Variants in SHISA9 observed in about 807,000 individuals in gnomAD.
The protein encoded by SHISA9 is protein shisa-9.
SHISA9 carries 13 observed loss-of-function variants against 38.0 expected under a neutral mutation model. The observed-to-expected ratio is 0.34, with a 90% confidence interval of 0.22 to 0.54. The LOEUF (loss-of-function observed/expected upper bound fraction) is 0.54, where lower values mean the gene tolerates loss of function less well. Ranked by LOEUF, SHISA9 falls within the 20% of genes least tolerant of loss-of-function variation. The probability of loss-of-function intolerance (pLI) is 0.91; values close to 1 mark genes in which losing one functional copy is unlikely to be tolerated. For synonymous variants in SHISA9, 275 were observed against 242.0 expected (o/e 1.14, Z -1.27); for missense variants, 538 against 575.8 (o/e 0.93, Z 0.67).
chr16:13,356,074 T>C, the SHISA9 span, among the ~76,000 whole-genome samples: 1 of 152,354 alleles, frequency 6.6e-6, no homozygotes, highest in East Asian at 1.9e-4. Context: ...ACCTGGCCAC[T>C]GCGGTTCAGG....
chr16:13,516,797 C>A, the SHISA9 span, among the ~76,000 whole-genome samples: 110 of 144,258 alleles, frequency 7.6e-4, no homozygotes, highest in South Asian at 8.9e-4. Flanking sequence ...GATTCCATCC[C>A]AAAAAAAAAA....
chr16:13,521,960 T>C, the SHISA9 span, among the ~76,000 whole-genome samples: 1 of 152,202 alleles, frequency 6.6e-6, no homozygotes. Context: ...GTTAAATTTA[T>C]TATTTTTGCA....
the SHISA9 span, chr16:13,258,225 C>A: frequency 4.6e-5 from 7 of 152,126 alleles, no homozygotes; most frequent in Non-Finnish European, 7.4e-5. Context: ...AATAAATTTT[C>A]TGGTTCATTA....
At chr16:12,965,628 A>G (rs570442294) in intron 2 of SHISA9, among the ~76,000 whole-genome samples, 2 of 152,288 alleles carry the variant, frequency 1.3e-5, no homozygotes, top group African/African-American at 2.4e-5. Flanking sequence ...TTTTTCAGGG[A>G]GAGACAATAT....
At chr16:13,478,466 C>G in the SHISA9 span, among the ~76,000 whole-genome samples, 8 of 152,276 alleles carry the variant, frequency 5.3e-5, no homozygotes, top group East Asian at 1.4e-3. Flanking sequence ...TAAGTCTGGA[C>G]TCCTCTGGGC....
the SHISA9 span, among the ~76,000 whole-genome samples, chr16:13,424,755 C>T: frequency 6.6e-6 from 1 of 152,186 alleles, no homozygotes; most frequent in African/African-American, 2.4e-5. Context: ...ATCGGCATGG[C>T]TATGTCTCGG....
At chr16:12,914,668 G>A (rs1205884723) in intron 1 of SHISA9, among the ~76,000 whole-genome samples, 2 of 152,160 alleles carry the variant, frequency 1.3e-5, no homozygotes, top group African/African-American at 4.8e-5. Flanking sequence ...CTGTCTCACA[G>A]CCGAGATGTC....
At position 12,973,936 on chromosome 16, in the gene SHISA9, C is replaced by T. The variant is rs147352228; in HGVS notation, c.691+57121C>T. ...TCAAGCACCCTTCTGGATTTTGTTG[C>T]CTGTGGCATAAAAGTATGCTTGCTT... On this transcript the variant is annotated intron_variant, in intron 2 of 4. Transcript: ENST00000558583. 3.4e-3 allele frequency among the ~76,000 whole-genome samples: 513 copies of T among 152,294 alleles called. 3 individuals carry two copies. Among genetic ancestry groups the T allele is most frequent in the African/African-American group, 0.012 (497 of 41,562 alleles).
the SHISA9 span, among the ~76,000 whole-genome samples, chr16:13,314,923 A>T: frequency 6.6e-6 from 1 of 152,198 alleles, no homozygotes; most frequent in Non-Finnish European, 1.5e-5. Context: ...CCTGTAGTTG[A>T]CAATACTGTA....
intron 2 of SHISA9, among the ~76,000 whole-genome samples, chr16:12,970,370 C>CATATAT (rs1254256597): frequency 2.2e-4 from 12 of 55,704 alleles, no homozygotes; most frequent in African/African-American, 8.7e-4. Flanking sequence ...TATATATATA[C>CATATAT]ATATATATAT....
chr16:13,328,270 G>C, the SHISA9 span, among the ~76,000 whole-genome samples: 1 of 152,132 alleles, frequency 6.6e-6, no homozygotes, highest in Non-Finnish European at 1.5e-5. Flanking sequence ...TCTCTAGTAA[G>C]AGTCTGTTTC....
intron 2 of SHISA9, among the ~76,000 whole-genome samples, chr16:13,047,937 GCA>G (rs1374473274): frequency 6.6e-6 from 1 of 152,142 alleles, no homozygotes; most frequent in Non-Finnish European, 1.5e-5. Flanking sequence ...ATTGAAACAA[GCA>G]CAGTTTTATA....
At chr16:13,429,036 G>A in the SHISA9 span, among the ~76,000 whole-genome samples, 3 of 152,124 alleles carry the variant, frequency 2.0e-5, no homozygotes, top group African/African-American at 7.2e-5. Context: ...CAAAGTGCTG[G>A]GATTACAGGC....
At chr16:13,234,704 C>T (rs913953333) in intron 4 of SHISA9, among the ~76,000 whole-genome samples, 3 of 152,098 alleles carry the variant, frequency 2.0e-5, no homozygotes, top group Admixed American at 2.0e-4. Context: ...AAAAAAGAAA[C>T]AACACGCGAA....
the SHISA9 span, among the ~76,000 whole-genome samples, chr16:13,444,982 C>CCATATATATATA: frequency 9.4e-6 from 1 of 106,248 alleles, no homozygotes; most frequent in Admixed American, 9.9e-5. Context: ...CCATGCCTAG[C>CCATATATATATA]TATATATATA....
chr16:13,169,853 C>T (rs1288524855), intron 2 of SHISA9, among the ~76,000 whole-genome samples: 1 of 152,086 alleles, frequency 6.6e-6, no homozygotes, highest in Non-Finnish European at 1.5e-5. Context: ...GGGTTTCTGG[C>T]TGGCATGGCA....
chr16:12,950,098 A>C (rs1057388824), intron 2 of SHISA9, among the ~76,000 whole-genome samples: 1 of 152,190 alleles, frequency 6.6e-6, no homozygotes, highest in South Asian at 2.1e-4. Context: ...TCGTTCCTAC[A>C]TACAGGTGAG....
chr16:13,458,263 C>A, the SHISA9 span: 59 of 213,678 alleles, frequency 2.8e-4, no homozygotes, highest in African/African-American at 1.3e-3. Context: ...GGGTCACCTT[C>A]CTCTTTCAAC....
intron 4 of SHISA9, among the ~76,000 whole-genome samples, chr16:13,225,897 C>G (rs1307195326): frequency 6.6e-6 from 1 of 152,200 alleles, no homozygotes; most frequent in East Asian, 1.9e-4. Flanking sequence ...AGAAGGAAAG[C>G]ACCTTTTCCT....
Sources: gnomAD v4.1 joint callset for allele counts (sites outside exome capture counted in the v4.1 genomes callset) on GRCh38, gnomAD v4.1.1 for gene constraint, MANE v1.5 for transcripts, NCBI Gene and HGNC (gene_info 2026-07-23, HGNC 2026-07-21) for gene names.